Variants in STPG2 observed in about 807,000 individuals in gnomAD.
STPG2 encodes sperm tail PG-rich repeat containing 2, also known as sperm-tail PG-rich repeat-containing protein 2.
Under a neutral mutation model 54.2 loss-of-function variants are expected in STPG2, and 56 were observed. The ratio of observed to expected loss-of-function variants is 1.03; its 90% CI spans 0.83 to 1.29. The LOEUF is 1.29. Among genes scored for constraint, STPG2 ranks in the 50% most tolerant of loss-of-function variants. The pLI is 0.00. For missense variants in STPG2, 596 were observed against 544.9 expected, an observed-to-expected ratio of 1.09 and a Z score of -0.93; for synonymous variants, 200 against 181.8, an observed-to-expected ratio of 1.10 and a Z score of -0.81.
At chr4:98,065,366 A>G (rs1039587215) in intron 5 of STPG2, among the ~76,000 whole-genome samples, 1 of 152,158 alleles carries the variant, frequency 6.6e-6, no homozygotes, top group East Asian at 1.9e-4. Flanking sequence ...TAAGGGGTCC[A>G]GTAACTGGAT....
rs978335300 is a variant in STPG2 at position 98,127,904 on chromosome 4, T to C, written c.387+524A>G. 1.1e-4 allele frequency among the ~76,000 whole-genome samples: 17 copies of C among 152,362 alleles called. 1 individual carries two copies. The South Asian group carries it at 1.7e-3, about 15-fold the overall frequency. On this transcript the variant is annotated intron_variant, in intron 3 of 10. Coordinates refer to ENST00000295268, the MANE Select transcript of STPG2 (RefSeq NM_174952.3). The stretch of plus-strand genomic sequence containing the variant: ...TTCAAATTCTTTTAAAAATAAAATG[T>C]TTTTTCTTTTCAAATTAAGAAAAAT...
chr4:97,730,743 T>C (rs1002791382), intron 9 of STPG2, among the ~76,000 whole-genome samples: 2 of 152,352 alleles, frequency 1.3e-5, no homozygotes, highest in East Asian at 1.9e-4. Context: ...TCTGACTGGA[T>C]TGATTCAAAG....
At chr4:97,758,411 GCACAT>G (rs1316192573) in intron 9 of STPG2, among the ~76,000 whole-genome samples, 5 of 152,168 alleles carry the variant, frequency 3.3e-5, no homozygotes, top group Non-Finnish European at 7.4e-5. Context: ...GGAAAATGTG[GCACAT>G]ATACACCATG....
At chr4:97,601,119 T>A (rs143721585) in intron 10 of STPG2, among the ~76,000 whole-genome samples, 1 of 152,198 alleles carries the variant, frequency 6.6e-6, no homozygotes, top group East Asian at 1.9e-4. Context: ...TTATTCCAAT[T>A]GTTGCAGGAA....
chr4:97,717,678 G>A lies in STPG2; in HGVS notation c.1205-4864C>T, dbSNP rs531836037. 3.3e-5 allele frequency among the ~76,000 whole-genome samples: 5 copies of A among 152,180 alleles called. No homozygotes were observed. In the East Asian group the frequency reaches 5.8e-4, roughly 18 times the overall value. On this transcript the variant is annotated intron_variant, in intron 9 of 10. Transcript: ENST00000295268. ...AAAGATACTTCCACTCTGTGATAAC[G>A]TAAATACATTGTAGATAAATTTGAA... is the stretch of plus-strand genomic sequence containing the variant.
At chr4:97,527,850 G>GT (rs1252004623) in intron 4 of STPG2, among the ~76,000 whole-genome samples, 5 of 151,330 alleles carry the variant, frequency 3.3e-5, no homozygotes, top group African/African-American at 1.2e-4. Flanking sequence ...GGGGTTGTTT[G>GT]TTTTTTTCTT....
intron 10 of STPG2, among the ~76,000 whole-genome samples, chr4:97,675,948 GTA>G (rs1258072489): frequency 3.0e-4 from 43 of 143,142 alleles, no homozygotes; most frequent in African/African-American, 1.1e-3. Flanking sequence ...TATATATATA[GTA>G]TATATAGTAT....
intron 5 of STPG2, among the ~76,000 whole-genome samples, chr4:98,072,194 G>A (rs992769251): frequency 1.3e-5 from 2 of 152,066 alleles, no homozygotes; most frequent in African/African-American, 2.4e-5. Context: ...TAAAGAAAAC[G>A]TTGTTACATA....
rs1368844553 is a variant in STPG2, at chr4:97,881,750, C to G, written c.1045-40818G>C. 2.0e-5 allele frequency among the ~76,000 whole-genome samples: 3 copies of G among 152,106 alleles called. 1 individual carries two copies. The highest frequency in any genetic ancestry group is 4.4e-5 in the Non-Finnish European group (3 of 68,004). Reference sequence around the variant, plus strand: ...TCAGACTTTCATACTTTTCCCATTTCTCTAGTTTCAGCCATCATTGTCCAA... The same window carrying G: ...TCAGACTTTCATACTTTTCCCATTTGTCTAGTTTCAGCCATCATTGTCCAA... On this transcript the variant is annotated intron_variant, in intron 8 of 10. Coordinates refer to ENST00000295268, the MANE Select transcript of STPG2 (RefSeq NM_174952.3).
intron 10 of STPG2, among the ~76,000 whole-genome samples, chr4:97,694,580 G>A (rs956123527): frequency 4.0e-5 from 6 of 151,754 alleles, no homozygotes; most frequent in South Asian, 2.1e-4. Context: ...AGGCCGAGGC[G>A]GGTGGATCAT....
intron 1 of STPG2, among the ~76,000 whole-genome samples, chr4:98,139,265 A>C (rs1407254987): frequency 3.3e-5 from 5 of 152,170 alleles, no homozygotes; most frequent in Non-Finnish European, 5.9e-5. Context: ...TTTCCTGGGG[A>C]AAATGTAGAG....
rs528888903 is a variant in STPG2, at chr4:97,472,729, G to C, written c.462+239970C>G. Among the ~76,000 whole-genome samples, 41 of 152,244 alleles carry C rather than the reference G, an allele frequency of 2.7e-4. No individual in the cohort carries two copies. The East Asian group carries it at 7.7e-3, about 29-fold the overall frequency. On this transcript the variant is annotated intron_variant, in intron 4 of 4. Transcript: ENST00000522676. ...AGGAGCCCTAAATGCATGTTACTAA[G>C]TGAAAGAAGTCAAACGGAAAGGCTA... is the stretch of plus-strand genomic sequence containing the variant.
At chr4:98,015,760 A>G (rs901543075) in intron 5 of STPG2, among the ~76,000 whole-genome samples, 2 of 152,184 alleles carry the variant, frequency 1.3e-5, no homozygotes, top group Non-Finnish European at 2.9e-5. Context: ...ATGCACACAT[A>G]TGTTTATTGC....
At chr4:97,969,971 C>T (rs901258245) in intron 7 of STPG2, among the ~76,000 whole-genome samples, 6 of 152,150 alleles carry the variant, frequency 3.9e-5, no homozygotes, top group Non-Finnish European at 8.8e-5. Flanking sequence ...TCTCTGGATA[C>T]AAAATCAATG....
intron 7 of STPG2, among the ~76,000 whole-genome samples, chr4:97,952,865 C>T (rs1376546493): frequency 6.6e-6 from 1 of 152,110 alleles, no homozygotes; most frequent in Non-Finnish European, 1.5e-5. Flanking sequence ...AAGTTTTCTC[C>T]TTTCTGGGCA....
chr4:98,081,682 A>G (rs1738348377), intron 5 of STPG2, among the ~76,000 whole-genome samples: 1 of 152,190 alleles, frequency 6.6e-6, no homozygotes, highest in Non-Finnish European at 1.5e-5. Flanking sequence ...ATGGCTCCCC[A>G]TATCTTTGCC....
intron 5 of STPG2, among the ~76,000 whole-genome samples, chr4:98,052,384 TC>T (rs1328722998): frequency 6.6e-6 from 1 of 152,224 alleles, no homozygotes; most frequent in Non-Finnish European, 1.5e-5. Context: ...TTAGTTTTTT[TC>T]ATTTTAAAAA....
At chr4:97,965,290 G>A (rs1734054214) in intron 7 of STPG2, among the ~76,000 whole-genome samples, 1 of 152,190 alleles carries the variant, frequency 6.6e-6, no homozygotes, top group African/African-American at 2.4e-5. Flanking sequence ...CCAGGGGGAG[G>A]GGTGTCTGCC....
chr4:97,882,976 T>TACAC (rs34481744), intron 8 of STPG2, among the ~76,000 whole-genome samples: 46,269 of 146,738 alleles, frequency 0.32, 7,174 homozygotes, highest in Middle Eastern at 0.39. Flanking sequence ...ACATACCACA[T>TACAC]ACACACACAC....
Sources: allele counts gnomAD v4.1 joint callset (sites outside exome capture counted in the v4.1 genomes callset), GRCh38; gene constraint gnomAD v4.1.1; transcripts MANE v1.5; gene names NCBI Gene and HGNC (gene_info 2026-07-23, HGNC 2026-07-21).